PDE4D: variants seen among roughly 807,000 people sequenced by gnomAD.
PDE4D encodes the protein phosphodiesterase 4D.
PDE4D carries 24 observed loss-of-function variants against 87.4 expected under a neutral mutation model. The ratio of observed to expected loss-of-function variants is 0.27; its 90% CI spans 0.20 to 0.39. The LOEUF is 0.39. PDE4D is among the 10% of genes least tolerant of loss of function. The pLI is 1.00. For missense variants in PDE4D, 714 were observed against 1,041.0 expected (o/e 0.69, Z 4.32); for synonymous variants, 384 against 383.2 (o/e 1.00, Z -0.02).
At chr5:59,623,941 G>T (rs557278760) in intron 1 of PDE4D, among the ~76,000 whole-genome samples, 1 of 152,256 alleles carries the variant, frequency 6.6e-6, no homozygotes, top group South Asian at 2.1e-4. Context: ...TGTGGTATAT[G>T]CTACTCTAAG....
intron 1 of PDE4D, among the ~76,000 whole-genome samples, chr5:59,403,182 TAGA>T (rs1790996012): frequency 7.8e-6 from 1 of 127,872 alleles, no homozygotes; most frequent in Admixed American, 7.6e-5. Flanking sequence ...GACAGATAGA[TAGA>T]TAGATTGATT....
At chr5:60,162,047 C>G (rs1582919487) in intron 2 of PDE4D, among the ~76,000 whole-genome samples, 1 of 152,106 alleles carries the variant, frequency 6.6e-6, no homozygotes, top group Non-Finnish European at 1.5e-5. Context: ...AATCTTTACT[C>G]TTAACAAGAG....
chr5:59,558,935 G>A (rs917620782), intron 1 of PDE4D: 3 of 152,096 alleles, frequency 2.0e-5, no homozygotes, highest in African/African-American at 7.2e-5. Flanking sequence ...CATGAGGTGT[G>A]TATGAGGTTG....
chr5:59,707,077 A>C (rs762181884), intron 1 of PDE4D, among the ~76,000 whole-genome samples: 1 of 152,178 alleles, frequency 6.6e-6, no homozygotes, highest in Non-Finnish European at 1.5e-5. Context: ...AATTTCTTTT[A>C]TATTTCTTGA....
chr5:59,618,798 G>A (rs1230738110), intron 1 of PDE4D, among the ~76,000 whole-genome samples: 4 of 152,028 alleles, frequency 2.6e-5, no homozygotes, highest in African/African-American at 9.7e-5. Context: ...AGGTAATTAG[G>A]TCATGAGGGC....
chr5:59,287,716 C>CAG (rs1338678632), intron 1 of PDE4D, among the ~76,000 whole-genome samples: 22 of 137,912 alleles, frequency 1.6e-4, no homozygotes, highest in Non-Finnish European at 2.1e-4. Flanking sequence ...CAGAGACACA[C>CAG]ACAGAGAGAG....
intron 6 of PDE4D, among the ~76,000 whole-genome samples, chr5:59,020,898 G>C (rs1280520917): frequency 1.3e-5 from 2 of 152,130 alleles, no homozygotes; most frequent in African/African-American, 2.4e-5. Context: ...ACTAGGTTTA[G>C]GGTTTTCTCA....
rs182607906 is a variant in PDE4D, at chr5:60,373,412, G to T, written c.-90+114530C>A. ...CTCCTTCATTTACTCTACGTGTATA[G>T]ACCTTGATGGGTTTTCTATTATGTT... On this transcript the variant is annotated intron_variant, in intron 1 of 16. Coordinates refer to the PDE4D transcript ENST00000502484. Among the ~76,000 whole-genome samples the T allele has an allele frequency of 4.8e-3, 738 of 152,214 alleles. 5 individuals are homozygous for T. The highest frequency in any genetic ancestry group is 0.02 in the Middle Eastern group (6 of 294).
Position 60,504,644 on chromosome 5 carries a change from G to T in PDE4D, n.70+17407C>A, listed in dbSNP as rs577576447. Among the ~76,000 whole-genome samples, 5 of 152,318 alleles carry T rather than the reference G, an allele frequency of 3.3e-5. No homozygotes were observed. The South Asian group carries it at 1.0e-3, about 32-fold the overall frequency. Reference sequence around the variant, plus strand: ...GGTTGAAGTTGATTGACTTCAGTAAGCTCCAAGCTTAGGTTGTAATCATTT... The same window carrying T: ...GGTTGAAGTTGATTGACTTCAGTAATCTCCAAGCTTAGGTTGTAATCATTT... On this transcript the variant is annotated intron_variant and non_coding_transcript_variant, in intron 1 of 2. Transcript: ENST00000506510.
chr5:60,493,568 G>A (rs556851750), intron 1 of PDE4D, among the ~76,000 whole-genome samples: 1 of 150,322 alleles, frequency 6.7e-6, no homozygotes, highest in East Asian at 2.0e-4. Flanking sequence ...GAAGGAGTAT[G>A]GACTTCTATA....
chr5:59,618,561 T>C (rs544492316), intron 1 of PDE4D, among the ~76,000 whole-genome samples: 3 of 152,282 alleles, frequency 2.0e-5, no homozygotes, highest in South Asian at 2.1e-4. Flanking sequence ...GCAGGAAATA[T>C]ATATTATCAT....
At chr5:59,895,760 G>A (rs952976924), upstream of PDE4D, among the ~76,000 whole-genome samples, 4 of 152,092 alleles carry the variant, frequency 2.6e-5, no homozygotes, top group East Asian at 1.9e-4. Flanking sequence ...ACCTCTATCC[G>A]AAACTCTTAT....
intron 1 of PDE4D, among the ~76,000 whole-genome samples, chr5:60,240,793 T>C (rs1747024115): frequency 6.6e-6 from 1 of 152,150 alleles, no homozygotes; most frequent in Admixed American, 6.5e-5. Context: ...AGTACCTCTA[T>C]GATTCTGCAA....
At position 60,500,328 on chromosome 5, in the gene PDE4D, A is replaced by C. The variant is rs113415545; in HGVS notation, n.70+21723T>G. ...CAAAAAAATAAAAATAAAAAAGAAG[A>C]AGAAGGAGAAGAAGGAAGAACCTGG... On this transcript the variant is annotated intron_variant and non_coding_transcript_variant, in intron 1 of 2. Transcript: ENST00000506510. 1.3e-3 allele frequency among the ~76,000 whole-genome samples: 203 copies of C among 152,236 alleles called. 1 individual carries two copies. Among genetic ancestry groups the C allele is most frequent in the African/African-American group, 4.6e-3 (191 of 41,552 alleles).
At chr5:59,977,643 A>T (rs1210424239) in intron 3 of PDE4D, among the ~76,000 whole-genome samples, 1 of 152,188 alleles carries the variant, frequency 6.6e-6, no homozygotes, top group African/African-American at 2.4e-5. Flanking sequence ...GTTATCCAGA[A>T]AGTCTAACTA....
intron 5 of PDE4D, among the ~76,000 whole-genome samples, chr5:59,082,140 C>T (rs973878021): frequency 4.6e-5 from 7 of 152,124 alleles, no homozygotes; most frequent in Non-Finnish European, 8.8e-5. Flanking sequence ...TTCTTCACAG[C>T]AGCATGAGAA....
chr5:59,751,679 T>C (rs1168762004), intron 1 of PDE4D, among the ~76,000 whole-genome samples: 1 of 151,602 alleles, frequency 6.6e-6, no homozygotes, highest in African/African-American at 2.4e-5. Context: ...CTTCAAAATC[T>C]GATTCCAACC....
chr5:59,509,744 G>A (rs1271492997), intron 1 of PDE4D, among the ~76,000 whole-genome samples: 1 of 149,918 alleles, frequency 6.7e-6, no homozygotes, highest in African/African-American at 2.4e-5. Context: ...CTAAAATAAT[G>A]CCAGAAAAGA....
At chr5:60,033,913 G>A (rs1767515262) in intron 2 of PDE4D, among the ~76,000 whole-genome samples, 1 of 152,164 alleles carries the variant, frequency 6.6e-6, no homozygotes, top group African/African-American at 2.4e-5. Context: ...GTTCCAGGAT[G>A]AAATAAAAAT....
Sources: allele counts gnomAD v4.1 joint callset (sites outside exome capture counted in the v4.1 genomes callset), GRCh38; gene constraint gnomAD v4.1.1; transcripts MANE v1.5; gene names NCBI Gene and HGNC (gene_info 2026-07-23, HGNC 2026-07-21).